The following EYS variants were observed in gnomAD, a reference collection of about 807,000 sequenced individuals.
EYS encodes the protein EGF-like photoreceptor maintenance factor.
Under a neutral mutation model 282.1 loss-of-function variants are expected in EYS, and 250 were observed. The observed-to-expected ratio is 0.89, with a 90% CI of 0.80 to 0.98. The LOEUF (loss-of-function observed/expected upper bound fraction) is 0.98. Among genes scored for constraint, EYS ranks in the 50% least tolerant of loss-of-function variants. The probability of loss-of-function intolerance (pLI) is 0.00; values close to 1 mark genes in which losing one functional copy is unlikely to be tolerated. For missense variants in EYS, 4,016 were observed against 3,709.0 expected (o/e 1.08, Z -2.15); for synonymous variants, 1,355 against 1,282.9 (o/e 1.06, Z -1.20).
chr6:65,535,128 A>G (rs1009339112), intron 2 of EYS, among the ~76,000 whole-genome samples: 1 of 152,154 alleles, frequency 6.6e-6, no homozygotes, highest in African/African-American at 2.4e-5. Flanking sequence ...GTGAGTCAGT[A>G]AACTGGAGAC....
intron 22 of EYS, among the ~76,000 whole-genome samples, chr6:64,695,162 G>A (rs931075939): frequency 6.6e-6 from 1 of 151,964 alleles, no homozygotes; most frequent in Non-Finnish European, 1.5e-5. Flanking sequence ...GCAGAGCATA[G>A]GACTGGGACC....
intron 12 of EYS, among the ~76,000 whole-genome samples, chr6:65,289,154 T>C (rs1412468870): frequency 6.6e-6 from 1 of 151,056 alleles, no homozygotes; most frequent in Non-Finnish European, 1.5e-5. Context: ...TAAATAGATT[T>C]AAATAAGAAA....
chr6:64,203,671 A>G (rs1765536945), intron 31 of EYS, among the ~76,000 whole-genome samples: 1 of 152,220 alleles, frequency 6.6e-6, no homozygotes, highest in Admixed American at 6.5e-5. Context: ...GAGGGACATT[A>G]AAAATAAAAA....
chr6:63,904,362 C>T (rs1773726276), intron 35 of EYS, among the ~76,000 whole-genome samples: 1 of 151,950 alleles, frequency 6.6e-6, no homozygotes, highest in Non-Finnish European at 1.5e-5. Flanking sequence ...CTATAGTGAC[C>T]CTTGTTATGA....
chr6:65,468,122 C>A (rs1215248661), intron 5 of EYS, among the ~76,000 whole-genome samples: 3 of 152,004 alleles, frequency 2.0e-5, no homozygotes, highest in Non-Finnish European at 4.4e-5. Flanking sequence ...CCTGAGCACT[C>A]CTATGACACT....
chr6:63,728,494 T>TA (rs1262164142), intron 41 of EYS, among the ~76,000 whole-genome samples: 2 of 152,010 alleles, frequency 1.3e-5, no homozygotes, highest in Non-Finnish European at 2.9e-5. Context: ...ATACCCCTTG[T>TA]CTCAACACAT....
At chr6:64,986,524 A>T (rs905697942) in intron 14 of EYS, among the ~76,000 whole-genome samples, 2 of 149,998 alleles carry the variant, frequency 1.3e-5, no homozygotes, top group Admixed American at 1.3e-4. Flanking sequence ...CTAATACTTC[A>T]TGGTGTTTCC....
At chr6:64,311,736 T>C (rs1023041855) in intron 29 of EYS, among the ~76,000 whole-genome samples, 1 of 152,146 alleles carries the variant, frequency 6.6e-6, no homozygotes, top group Non-Finnish European at 1.5e-5. Flanking sequence ...CAAAGCAGGA[T>C]GGGGTGTCAG....
chr6:65,367,337 C>A (rs1221503896), intron 8 of EYS, among the ~76,000 whole-genome samples: 1 of 151,578 alleles, frequency 6.6e-6, no homozygotes, highest in Non-Finnish European at 1.5e-5. Context: ...CATAAATAAC[C>A]TGACCTTATT....
At chr6:64,580,888 A>G (rs1421770125) in intron 26 of EYS, among the ~76,000 whole-genome samples, 2 of 152,066 alleles carry the variant, frequency 1.3e-5, no homozygotes, top group Non-Finnish European at 2.9e-5. Context: ...TTTTTGATAA[A>G]GTTTACCCTG....
chr6:64,088,499 A>T (rs1772238236), intron 31 of EYS, among the ~76,000 whole-genome samples: 1 of 152,144 alleles, frequency 6.6e-6, no homozygotes, highest in Middle Eastern at 3.4e-3. Flanking sequence ...AGTCATGGGA[A>T]CATCTAATAA....
At chr6:63,740,997 T>C (rs1582160738) in intron 41 of EYS, among the ~76,000 whole-genome samples, 2 of 152,346 alleles carry the variant, frequency 1.3e-5, no homozygotes, top group South Asian at 4.1e-4. Context: ...CAGTGAATCA[T>C]CTTTGGGAGA....
rs1024085610 is a variant in EYS, at chr6:64,828,113, G to C, written c.2993-5291C>G. On this transcript the variant is annotated intron_variant, in intron 19 of 42. Transcript: ENST00000503581. ...TTTCAATGCTAGGAAAATAATACAA[G>C]ATGAAGAATTAATTTAATGAGCTTA... 4.6e-5 allele frequency among the ~76,000 whole-genome samples: 7 copies of C among 151,852 alleles called. No individual in the cohort carries two copies. In the South Asian group the frequency reaches 1.5e-3, roughly 31 times the overall value.
intron 26 of EYS, among the ~76,000 whole-genome samples, chr6:64,539,166 G>A (rs1764619675): frequency 6.6e-6 from 1 of 152,154 alleles, no homozygotes; most frequent in Admixed American, 6.5e-5. Flanking sequence ...AGAAGTTTTG[G>A]AGAGTGGCTG....
In EYS at chr6:64,261,983, GA is replaced by G. The variant is rs564181398; in HGVS notation, c.6192-31160del. Among the ~76,000 whole-genome samples, 166 of 151,992 alleles carry G rather than the reference GA, an allele frequency of 1.1e-3. 1 individual carries two copies. Among genetic ancestry groups the G allele is most frequent in the Non-Finnish European group, 1.8e-3 (120 of 67,918 alleles). On this transcript the variant is annotated intron_variant, in intron 30 of 42. Coordinates refer to ENST00000503581, the MANE Select transcript of EYS (RefSeq NM_001142800.2). The stretch of plus-strand genomic sequence containing the variant: ...GCTGCCTGGGCTTGTCTCAACCTCT[GA>G]GCTCAAGCAATTTGCTCGCCTTGGA...
At chr6:64,129,991 C>G (rs1213321531) in intron 31 of EYS, among the ~76,000 whole-genome samples, 2 of 152,068 alleles carry the variant, frequency 1.3e-5, no homozygotes, top group African/African-American at 4.8e-5. Flanking sequence ...TGGTCTATAT[C>G]TCTGTTTTGG....
At chr6:65,452,144 G>A (rs1157291757) in intron 5 of EYS, among the ~76,000 whole-genome samples, 1 of 151,648 alleles carries the variant, frequency 6.6e-6, no homozygotes, top group Non-Finnish European at 1.5e-5. Context: ...AGTGTGAAAT[G>A]GAGGTCAGCT....
chr6:65,092,789 C>A (rs1774613095), intron 12 of EYS, among the ~76,000 whole-genome samples: 1 of 151,842 alleles, frequency 6.6e-6, no homozygotes, highest in Non-Finnish European at 1.5e-5. Flanking sequence ...TCACAAGTCA[C>A]AAAAAGAATG....
chr6:63,741,217 T>C (rs1022261210), intron 41 of EYS, among the ~76,000 whole-genome samples: 1 of 152,196 alleles, frequency 6.6e-6, no homozygotes, highest in Non-Finnish European at 1.5e-5. Flanking sequence ...GATCACCACT[T>C]TTATGGTCTT....
Sources: allele counts gnomAD v4.1 joint callset (sites outside exome capture counted in the v4.1 genomes callset), GRCh38; gene constraint gnomAD v4.1.1; transcripts MANE v1.5; gene names NCBI Gene and HGNC (gene_info 2026-07-23, HGNC 2026-07-21).